AGR2: variants seen among roughly 807,000 people sequenced by gnomAD.
The protein encoded by AGR2 is anterior gradient protein 2 homolog.
Under a neutral mutation model 25.9 loss-of-function variants are expected in AGR2, and 27 were observed. The observed-to-expected ratio is 1.04, with a 90% confidence interval of 0.77 to 1.44. The LOEUF (loss-of-function observed/expected upper bound fraction) is 1.44. Ranked by LOEUF, AGR2 falls within the 40% of genes most tolerant of loss-of-function variation. The probability of loss-of-function intolerance (pLI) is 0.00; values close to 1 mark genes in which losing one functional copy is unlikely to be tolerated. For synonymous variants in AGR2, 78 were observed against 72.0 expected, an observed-to-expected ratio of 1.08 and a Z score of -0.42; for missense variants, 182 against 200.9, an observed-to-expected ratio of 0.91 and a Z score of 0.57.
chr7:16,801,926 G>T, intron 1 of AGR2, 123 bp from the exon 2 acceptor site: 2 of 740,204 alleles, frequency 2.7e-6, no homozygotes, highest in Non-Finnish European at 4.2e-6. Flanking sequence ...CTGGACATAC[G>T]AGATTGGCGT....
chr7:16,803,672 C>T (rs1785185264), intron 1 of AGR2, among the ~76,000 whole-genome samples: 1 of 152,134 alleles, frequency 6.6e-6, no homozygotes, highest in Admixed American at 6.5e-5. Context: ...TCTATACCTA[C>T]AAAGATGTGG....
chr7:16,798,191 C>A (rs908228001), intron 5 of AGR2, among the ~76,000 whole-genome samples: 1 of 152,154 alleles, frequency 6.6e-6, no homozygotes, highest in African/African-American at 2.4e-5. Context: ...TGAAATGTTA[C>A]GGTGTAGGAT....
intron 6 of AGR2, among the ~76,000 whole-genome samples, chr7:16,795,772 C>T (rs752312557): frequency 2.6e-5 from 4 of 152,144 alleles, no homozygotes; most frequent in South Asian, 4.1e-4. Flanking sequence ...ACCTAGGACA[C>T]GTGCCCTGAA....
intron 5 of AGR2, among the ~76,000 whole-genome samples, chr7:16,799,288 G>A (rs144472336): frequency 1.3e-5 from 2 of 152,244 alleles, no homozygotes; most frequent in Admixed American, 6.5e-5. Context: ...AAAAGAACTT[G>A]CCGAGACAGA....
chr7:16,804,407 G>A (rs1785200064), intron 1 of AGR2, among the ~76,000 whole-genome samples: 2 of 152,088 alleles, frequency 1.3e-5, no homozygotes, highest in South Asian at 4.2e-4. Flanking sequence ...GATGCTTCAG[G>A]AAAGCAACCA....
At position 16,795,164 on chromosome 7, in the gene AGR2, C is replaced by T. The variant is rs897461304; in HGVS notation, c.395-145G>A. The stretch of plus-strand genomic sequence containing the variant: ...GCACTCACAGGAGCTCTGATCCATC[C>T]ACTCTACTACCCAGCCCCTGGCAGT... On this transcript the variant is annotated intron_variant, in intron 6 of 7. Transcript: ENST00000419304. The T allele has an allele frequency of 5.9e-6, 5 of 849,066 alleles. No homozygotes were observed. In the South Asian group the frequency reaches 6.2e-5, roughly 11 times the overall value. 52.6% of individuals were successfully genotyped at this position (849,066 alleles called of 1,614,324 possible). A position where few individuals can be genotyped will look rare whatever the true frequency, so the allele number is the denominator to read the frequency against.
At chr7:16,799,461 C>CGGGCG (rs570582450) in intron 5 of AGR2, 108 of 353,712 alleles carry the variant, frequency 3.1e-4, no homozygotes, top group African/African-American at 2.1e-3. Context: ...TATAGAGGGA[C>CGGGCG]AGGCACAGCA....
intron 4 of AGR2, among the ~76,000 whole-genome samples, chr7:16,800,822 G>A (rs946304080): frequency 3.9e-5 from 6 of 152,230 alleles, no homozygotes; most frequent in Admixed American, 3.3e-4. Context: ...GGCCCTGTGA[G>A]ATGGCACAGG....
At chr7:16,801,608 T>C (rs1482451011) in intron 2 of AGR2, 50 bp downstream of exon 2, 20 of 1,610,972 alleles carry the variant, frequency 1.2e-5, no homozygotes, top group Admixed American at 1.7e-5. Context: ...AGAGAGGAAA[T>C]CTTTTCCAAT....
intron 6 of AGR2, among the ~76,000 whole-genome samples, chr7:16,797,236 T>C (rs114504599): frequency 0.012 from 1,814 of 152,204 alleles, 50 homozygotes; most frequent in African/African-American, 0.04. Context: ...TTCCTAACTT[T>C]CTTAAAAATA....
At chr7:16,799,318 G>T (rs529912948) in intron 5 of AGR2, among the ~76,000 whole-genome samples, 1 of 152,098 alleles carries the variant, frequency 6.6e-6, no homozygotes, top group Non-Finnish European at 1.5e-5. Flanking sequence ...CACCGTGAGG[G>T]GTGGTAGTGG....
intron 1 of AGR2, chr7:16,803,014 T>C (rs536753825): frequency 1.3e-5 from 2 of 152,230 alleles, no homozygotes; most frequent in African/African-American, 4.8e-5. Flanking sequence ...TTGTATTTTT[T>C]AGTAGAGATG....
chr7:16,803,787 G>A (rs756451480), intron 1 of AGR2, among the ~76,000 whole-genome samples: 1 of 152,064 alleles, frequency 6.6e-6, no homozygotes, highest in Non-Finnish European at 1.5e-5. Context: ...TCTTTGTAAT[G>A]TTAAAAAAAT....
chr7:16,792,826 C>T lies in AGR2; in HGVS notation c.*82G>A. The T allele has an allele frequency of 8.3e-7, 1 of 1,201,242 alleles. No individual in the cohort carries two copies. The highest frequency in any genetic ancestry group is 1.2e-6 in the Non-Finnish European group (1 of 804,034). The allele number at this position is 1,201,242 out of a possible 1,614,324, so 74.4% of individuals were successfully genotyped here. On this transcript the variant is annotated 3_prime_UTR_variant, in exon 8 of 8. Transcript: ENST00000419304. ...CTAATCAGTGTGTTCACTATGCTTC[C>T]ACACTAGCCAGTCTTCTCACACTTC...
intron 7 of AGR2, 164 bp downstream of exon 7, chr7:16,794,772 A>G: frequency 2.7e-6 from 4 of 1,488,810 alleles, no homozygotes; most frequent in South Asian, 1.3e-5. Context: ...AGATGGAAAG[A>G]GTGTGATTTG....
At position 16,801,807 on chromosome 7, in the gene AGR2, G is replaced by C. The variant is rs370522805; in HGVS notation, c.-7-4C>G. 5.0e-6 allele frequency: 8 copies of C among 1,604,268 alleles called. No individual in the cohort carries two copies. The highest frequency in any genetic ancestry group is 6.0e-6 in the Non-Finnish European group (7 of 1,173,338). On this transcript the variant is annotated splice_region_variant and splice_polypyrimidine_tract_variant and intron_variant, in intron 1 of 7. Coordinates refer to ENST00000419304, the MANE Select transcript of AGR2 (RefSeq NM_006408.4). Reference sequence around the variant, plus strand: ...TGGAATTTTCTCCATGGCAACTCTAGTATGGAAAACCAACCAAAATCAGTA... The same window carrying C: ...TGGAATTTTCTCCATGGCAACTCTACTATGGAAAACCAACCAAAATCAGTA...
At chr7:16,793,048 T>A in intron 7 of AGR2, 91 bp from the exon 8 acceptor site, 4 of 1,248,054 alleles carry the variant, frequency 3.2e-6, no homozygotes, top group Non-Finnish European at 4.6e-6. Context: ...ATTCATTATT[T>A]AATGGGATGC....
chr7:16,795,048 T>C (rs1450934215), intron 6 of AGR2, 29 bp from the exon 7 acceptor site: 2 of 1,611,820 alleles, frequency 1.2e-6, no homozygotes, highest in Non-Finnish European at 8.5e-7. Flanking sequence ...CAAAAGGGAA[T>C]GGAATGGTTT....
In AGR2 at chr7:16,801,167, C is replaced by T. The variant is rs1455106497; in HGVS notation, c.240G>A (p.Glu80=). 1.2e-6 allele frequency: 2 copies of T among 1,613,700 alleles called. No individual in the cohort carries two copies. The highest frequency in any genetic ancestry group is 1.7e-6 in the Non-Finnish European group (2 of 1,179,832). The change falls in exon 4 of 8, where the codon GAG becomes GAA. Residue 80 remains glutamate (E), a synonymous_variant. Coordinates refer to ENST00000419304, the MANE Select transcript of AGR2 (RefSeq NM_006408.4). ...KPLMIIHHLD[E]CPHSQALKKV... ...ATAAATTACCTTGACTGTGTGGGCA[C>T]TCATCCAAGTGATGAATAATCATCA... is the stretch of plus-strand genomic sequence containing the variant.
Sources: gnomAD v4.1 joint callset for allele counts (sites outside exome capture counted in the v4.1 genomes callset) on GRCh38, gnomAD v4.1.1 for gene constraint, MANE v1.5 for transcripts, NCBI Gene and HGNC (gene_info 2026-07-23, HGNC 2026-07-21) for gene names.